Variants in APLF observed in about 807,000 individuals in gnomAD.
APLF encodes aprataxin and PNK-like factor.
APLF carries 61 observed loss-of-function variants against 55.6 expected under a neutral mutation model. That is an observed-to-expected ratio of 1.10 (90% CI 0.89 to 1.36). APLF has a LOEUF of 1.36. Ranked by LOEUF, APLF falls within the 40% of genes most tolerant of loss-of-function variation. The probability of loss-of-function intolerance (pLI) is 0.00; values close to 1 mark genes in which losing one functional copy is unlikely to be tolerated. For synonymous variants in APLF, 207 were observed against 214.8 expected (o/e 0.96, Z 0.32); for missense variants, 611 against 602.5 (o/e 1.01, Z -0.15).
At chr2:68,576,801 C>T (rs1300369034) in intron 9 of APLF, among the ~76,000 whole-genome samples, 2 of 151,918 alleles carry the variant, frequency 1.3e-5, no homozygotes, top group East Asian at 3.8e-4. Context: ...AGATGTTAAC[C>T]AAAGTGTATA....
intron 2 of APLF, among the ~76,000 whole-genome samples, chr2:68,494,525 G>A (rs751129538): frequency 2.6e-5 from 4 of 151,774 alleles, no homozygotes; most frequent in South Asian, 2.1e-4. Context: ...AGGGATACAC[G>A]TACAGGGTGT....
chr2:68,534,931 G>A (rs1342712169), intron 6 of APLF, among the ~76,000 whole-genome samples: 1 of 152,000 alleles, frequency 6.6e-6, no homozygotes, highest in African/African-American at 2.4e-5. Context: ...ATGGATTTTG[G>A]GGTCATTTAT....
At chr2:68,499,014 TA>T (rs201129000) in intron 2 of APLF, among the ~76,000 whole-genome samples, 6,178 of 147,562 alleles carry the variant, frequency 0.042, 409 homozygotes, top group African/African-American at 0.14. Context: ...CTTATTTTGT[TA>T]AAAAAAAAAG....
Position 68,470,960 on chromosome 2 carries a change from CT to C in APLF, c.96+3137del, listed in dbSNP as rs370629437. Among the ~76,000 whole-genome samples the C allele has an allele frequency of 6.5e-3, 983 of 152,310 alleles. 7 individuals carry two copies. Among genetic ancestry groups the C allele is most frequent in the African/African-American group, 0.023 (936 of 41,560 alleles). On this transcript the variant is annotated intron_variant, in intron 1 of 9. Coordinates refer to ENST00000303795, the MANE Select transcript of APLF (RefSeq NM_173545.3). ...CATCCCCTGACCTGGCAGCTCTATA[CT>C]TTTAACTGCTTGTTGCAGAATCCTG... is the stretch of plus-strand genomic sequence containing the variant.
chr2:68,469,002 G>GTGTGTGTT (rs1675526892), intron 1 of APLF, among the ~76,000 whole-genome samples: 1 of 147,380 alleles, frequency 6.8e-6, no homozygotes, highest in African/African-American at 2.7e-5. Context: ...GTGTGTGTGT[G>GTGTGTGTT]TGTGTGTGTG....
intron 3 of APLF, among the ~76,000 whole-genome samples, chr2:68,511,977 C>T (rs550456585): frequency 9.9e-5 from 15 of 151,682 alleles, no homozygotes; most frequent in East Asian, 1.9e-4. Context: ...ATAAAACAAG[C>T]GGTTAATTAG....
At chr2:68,528,402 G>T in intron 6 of APLF, 1 of 1,534,440 alleles carries the variant, frequency 6.5e-7, no homozygotes, top group Non-Finnish European at 8.7e-7. Context: ...AGACATGGAA[G>T]CTTAGCCGGT....
chr2:68,513,763 C>T (rs1479861032), intron 5 of APLF, 83 bp downstream of exon 5: 6 of 1,482,696 alleles, frequency 4.0e-6, no homozygotes, highest in Non-Finnish European at 5.5e-6. Context: ...AAACTATAAA[C>T]TAGTTCTATA....
At chr2:68,518,992 TG>T in intron 5 of APLF, among the ~76,000 whole-genome samples, 1 of 106,374 alleles carries the variant, frequency 9.4e-6, no homozygotes, top group Non-Finnish European at 1.8e-5. Flanking sequence ...ATACAATATC[TG>T]ATAATATATT....
intron 4 of APLF, 63 bp downstream of exon 4, chr2:68,513,290 AGAC>A (rs1669456405): frequency 6.6e-7 from 1 of 1,511,452 alleles, no homozygotes; most frequent in Admixed American, 2.3e-5. Context: ...AAGGCAGAAA[AGAC>A]AACTGAAATT....
chr2:68,501,354 A>C (rs1676715181), intron 2 of APLF, among the ~76,000 whole-genome samples: 1 of 152,096 alleles, frequency 6.6e-6, no homozygotes, highest in East Asian at 1.9e-4. Context: ...CTCCAGAGGA[A>C]GTCTCATTTA....
intron 5 of APLF, among the ~76,000 whole-genome samples, chr2:68,525,742 CTTTTTTTTTTTTT>C (rs386390398): frequency 2.4e-5 from 2 of 82,036 alleles, no homozygotes; most frequent in Non-Finnish European, 4.2e-5. Flanking sequence ...TTCTTTCTTT[CTTTTTTTTTTTTT>C]TTTTTTTTTT....
intron 2 of APLF, 57 bp from the exon 3 acceptor site, chr2:68,502,674 A>C: frequency 9.4e-7 from 1 of 1,065,492 alleles, no homozygotes; most frequent in Non-Finnish European, 1.2e-6. Context: ...TTGAGTTACA[A>C]CATTATTGTA....
At chr2:68,562,706 A>T (rs1290200541) in intron 8 of APLF, among the ~76,000 whole-genome samples, 1 of 152,074 alleles carries the variant, frequency 6.6e-6, no homozygotes, top group Non-Finnish European at 1.5e-5. Context: ...ACAAGTTCAT[A>T]AAAATGGGGA....
At chr2:68,542,644 T>C (rs1043584833) in intron 7 of APLF, among the ~76,000 whole-genome samples, 3 of 151,968 alleles carry the variant, frequency 2.0e-5, no homozygotes, top group African/African-American at 4.8e-5. Flanking sequence ...AAAAACGAAA[T>C]GAAAAACAAG....
intron 6 of APLF, among the ~76,000 whole-genome samples, chr2:68,535,696 C>T (rs992574653): frequency 2.7e-5 from 4 of 150,660 alleles, no homozygotes; most frequent in Admixed American, 6.6e-5. Context: ...AATAGAAGTA[C>T]TAATAAAGTA....
intron 1 of APLF, among the ~76,000 whole-genome samples, chr2:68,477,152 G>A (rs967036594): frequency 2.6e-5 from 4 of 152,170 alleles, no homozygotes; most frequent in African/African-American, 7.2e-5. Flanking sequence ...GCAGTTGAGA[G>A]ATATGTAGAC....
At chr2:68,492,229 A>G (rs1434484768) in intron 2 of APLF, among the ~76,000 whole-genome samples, 1 of 152,074 alleles carries the variant, frequency 6.6e-6, no homozygotes, top group Non-Finnish European at 1.5e-5. Flanking sequence ...CTGTAATCCC[A>G]GCACTTTGGG....
rs550717758 is a variant in APLF at position 68,485,978 on chromosome 2, A to G, written c.97-4212A>G. ...CTATAGGCACATGCCACCCTGTCCAACTAATTTTTTACTTTACGTAGATTT... is the reference window on the plus strand; with the variant it reads ...CTATAGGCACATGCCACCCTGTCCAGCTAATTTTTTACTTTACGTAGATTT... On this transcript the variant is annotated intron_variant, in intron 1 of 9. Coordinates refer to ENST00000303795, the MANE Select transcript of APLF (RefSeq NM_173545.3). Among the ~76,000 whole-genome samples the G allele has an allele frequency of 2.0e-5, 3 of 151,878 alleles. No individual in the cohort carries two copies. In the South Asian group the frequency reaches 6.2e-4, roughly 32 times the overall value.
Sources: gnomAD v4.1 joint callset for allele counts (sites outside exome capture counted in the v4.1 genomes callset) on GRCh38, gnomAD v4.1.1 for gene constraint, MANE v1.5 for transcripts, NCBI Gene and HGNC (gene_info 2026-07-23, HGNC 2026-07-21) for gene names.